The following ZNF556 variants were observed in gnomAD, a reference collection of about 807,000 sequenced individuals.
The protein encoded by ZNF556 is zinc finger protein 556.
In ZNF556, 11 loss-of-function variants were observed where a neutral mutation model predicts 13.6. The ratio of observed to expected loss-of-function variants is 0.81; its 90% CI spans 0.51 to 1.33. The LOEUF (loss-of-function observed/expected upper bound fraction) is 1.33. Ranked by LOEUF, ZNF556 falls within the 40% of genes most tolerant of loss-of-function variation. The probability of loss-of-function intolerance (pLI) is 0.00; values close to 1 mark genes in which losing one functional copy is unlikely to be tolerated. For synonymous variants in ZNF556, 229 were observed against 207.8 expected, an observed-to-expected ratio of 1.10 and a Z score of -0.88; for missense variants, 633 against 566.2, an observed-to-expected ratio of 1.12 and a Z score of -1.20.
chr19:2,876,853 A>C (rs2087856620), intron 3 of ZNF556, among the ~76,000 whole-genome samples: 1 of 152,232 alleles, frequency 6.6e-6, no homozygotes, highest in Non-Finnish European at 1.5e-5. Context: ...TAATTTCAAC[A>C]GTACAGGAAA....
At chr19:2,877,214 GA>G (rs796457422) in intron 3 of ZNF556, 58 bp from the exon 4 acceptor site, 35,429 of 965,392 alleles carry the variant, frequency 0.037, 8 homozygotes, top group South Asian at 0.047. Flanking sequence ...CCATCTCAAG[GA>G]AAAAAAAAAA....
At chr19:2,875,874 G>A (rs922803250) in intron 2 of ZNF556, among the ~76,000 whole-genome samples, 1 of 152,130 alleles carries the variant, frequency 6.6e-6, no homozygotes, top group Non-Finnish European at 1.5e-5. Flanking sequence ...TGAGACAGGA[G>A]AATCGCTTGA....
rs762092936 is a variant in ZNF556, at chr19:2,877,676, T to G, written c.718T>G (p.Phe240Val). 1.2e-6 allele frequency: 2 copies of G among 1,614,206 alleles called. No homozygotes were observed. Among genetic ancestry groups the G allele is most frequent in the Non-Finnish European group, 1.7e-6 (2 of 1,180,030 alleles). The stretch of plus-strand genomic sequence containing the variant: ...CGAATGTGGGCAGTGTGGGAAAGGC[T>G]TCAGTTGTCCCAAATCCTTTCGCGC... ...PYECGQCGKG[F>V]SCPKSFRAHV... The change falls in exon 4 of 4, where the codon TTC (phenylalanine) becomes GTC (valine). Residue 240 changes from phenylalanine to valine, a missense_variant. Transcript: ENST00000307635.
intron 2 of ZNF556, 100 bp downstream of exon 2, chr19:2,873,722 G>A: frequency 7.2e-7 from 1 of 1,390,740 alleles, no homozygotes; most frequent in Non-Finnish European, 9.8e-7. Flanking sequence ...AGGAGGCTAA[G>A]GCAGGAGGAT....
At position 2,877,499 on chromosome 19, in the gene ZNF556, G is replaced by C; in HGVS notation, c.541G>C (p.Gly181Arg). The C allele has an allele frequency of 6.2e-7, 1 of 1,614,206 alleles. No individual in the cohort carries two copies. Among genetic ancestry groups the C allele is most frequent in the South Asian group, 1.1e-5 (1 of 91,086 alleles). Residue 181 changes from glycine to arginine, a missense_variant, in exon 4 of 4, where the codon GGG becomes CGG. By Grantham distance (125) the Gly-to-Arg change is moderately radical. Coordinates refer to ENST00000307635, the MANE Select transcript of ZNF556 (RefSeq NM_024967.3). ...AAAATTATATAAATGTAAGGAATGT[G>C]GGAAAGCCTTCAGTCGCCCTTCCTA... ...GQKLYKCKEC[G>R]KAFSRPSYLQ...
At position 2,877,747 on chromosome 19, in the gene ZNF556, C is replaced by G. The variant is rs1568354857; in HGVS notation, c.789C>G (p.His263Gln). ...GAGGGAGACCGTATGAGTGCAAGCACTGTGGGAAAGCCTTCAGGTGTCAGA... is the reference window on the plus strand; with the variant it reads ...GAGGGAGACCGTATGAGTGCAAGCAGTGTGGGAAAGCCTTCAGGTGTCAGA... ...HAGGRPYECK[H>Q]CGKAFRCQKS... The change falls in exon 4 of 4, where the codon CAC becomes CAG. Residue 263 changes from histidine (H) to glutamine (Q), a missense_variant. Transcript: ENST00000307635. 5.6e-6 allele frequency: 9 copies of G among 1,611,276 alleles called. No homozygotes were observed. The highest frequency in any genetic ancestry group is 6.8e-6 in the Non-Finnish European group (8 of 1,179,066).
chr19:2,873,934 G>T (rs558308866), intron 2 of ZNF556, among the ~76,000 whole-genome samples: 1 of 151,968 alleles, frequency 6.6e-6, no homozygotes, highest in African/African-American at 2.4e-5. Flanking sequence ...TCCAGCCAGG[G>T]TGACAACTTG....
chr19:2,870,835 C>T (rs989520132), intron 1 of ZNF556, among the ~76,000 whole-genome samples: 12 of 151,072 alleles, frequency 7.9e-5, no homozygotes, highest in Non-Finnish European at 1.2e-4. Context: ...GTCAGGAGAT[C>T]GAGACTATCC....
intron 3 of ZNF556, among the ~76,000 whole-genome samples, chr19:2,876,769 C>T (rs2087856119): frequency 6.6e-6 from 1 of 152,182 alleles, no homozygotes; most frequent in East Asian, 1.9e-4. Context: ...GAGAGCCCCA[C>T]ATATTACTAT....
Position 2,873,548 on chromosome 19 carries a change from C to G in ZNF556, c.56C>G (p.Ala19Gly). ...GTGGATTTCACGCTGGAGGAGTGGG[C>G]CTTGCTGAATCCTGCTCAGAGAAAA... ...VVVDFTLEEW[A>G]LLNPAQRKLY... Residue 19 changes from alanine to glycine, a missense_variant, in exon 2 of 4, where the codon GCC becomes GGC. Physicochemically the swap from Ala to Gly is moderately conservative, Grantham distance 60. Coordinates refer to ENST00000307635, the MANE Select transcript of ZNF556 (RefSeq NM_024967.3). 1 of 1,614,120 alleles carries G rather than the reference C, an allele frequency of 6.2e-7. No individual in the cohort carries two copies. The highest frequency in any genetic ancestry group is 1.3e-5 in the African/African-American group (1 of 75,022).
At chr19:2,870,460 T>G (rs2087792847) in intron 1 of ZNF556, among the ~76,000 whole-genome samples, 1 of 149,444 alleles carries the variant, frequency 6.7e-6, no homozygotes. Context: ...TCTAAAAAAT[T>G]TTCTGGCCAG....
At position 2,878,064 on chromosome 19, in the gene ZNF556, T is replaced by C; in HGVS notation, c.1106T>C (p.Val369Ala). 1 of 1,614,038 alleles carries C rather than the reference T, an allele frequency of 6.2e-7. No individual in the cohort carries two copies. ...TDVKSQTREK[V>A]YKCETCGKTY... is the part of the protein sequence containing the mutation. ...GTCAAATCACAAACTAGAGAGAAAG[T>C]CTATAAATGTGAAACGTGTGGGAAA... Residue 369 changes from valine (V) to alanine (A), a missense_variant, in exon 4 of 4, where the codon GTC (valine) becomes GCC (alanine). Coordinates refer to ENST00000307635, the MANE Select transcript of ZNF556 (RefSeq NM_024967.3).
Position 2,877,959 on chromosome 19 carries a change from C to T in ZNF556, c.1001C>T (p.Ala334Val), listed in dbSNP as rs751556137. The T allele has an allele frequency of 6.8e-5, 110 of 1,613,968 alleles. 1 individual carries two copies. Among genetic ancestry groups the T allele is most frequent in the South Asian group, 4.7e-4 (43 of 91,088 alleles). The change falls in exon 4 of 4, where the codon GCG (alanine) becomes GTG (valine). Residue 334 changes from alanine (A) to valine (V), a missense_variant. Transcript: ENST00000307635. ...FGWPSSLHKH[A>V]RTHAKKKPVS... is the part of the protein sequence containing the mutation. ...TGGCCCTCATCCTTACACAAACACG[C>T]GAGAACGCATGCTAAAAAGAAACCT...
chr19:2,877,450 G>T lies in ZNF556; in HGVS notation c.492G>T (p.Arg164Ser). The T allele has an allele frequency of 1.2e-6, 2 of 1,614,114 alleles. No individual in the cohort carries two copies. The highest frequency in any genetic ancestry group is 1.7e-6 in the Non-Finnish European group (2 of 1,180,040). ...TCACCCATTCCTCATCCCTGATAAGGCACAAAAGAGCTCACTCTGGACAAA... is the reference window on the plus strand; with the variant it reads ...TCACCCATTCCTCATCCCTGATAAGTCACAAAAGAGCTCACTCTGGACAAA... ...KLFTHSSSLIRHKRAHSGQKL... is the reference protein window; with the variant it reads ...KLFTHSSSLISHKRAHSGQKL... Residue 164 changes from arginine to serine, a missense_variant, in exon 4 of 4, where the codon AGG becomes AGT. Coordinates refer to ENST00000307635, the MANE Select transcript of ZNF556 (RefSeq NM_024967.3).
At chr19:2,871,798 A>G (rs994603373) in intron 1 of ZNF556, among the ~76,000 whole-genome samples, 8 of 152,180 alleles carry the variant, frequency 5.3e-5, no homozygotes, top group Non-Finnish European at 1.2e-4. Flanking sequence ...CACAACCACC[A>G]AGTCGCAGAG....
In ZNF556 at chr19:2,877,500, G is replaced by A. The variant is rs1387041143; in HGVS notation, c.542G>A (p.Gly181Glu). The A allele has an allele frequency of 3.1e-6, 5 of 1,614,154 alleles. No individual in the cohort carries two copies. Among genetic ancestry groups the A allele is most frequent in the Middle Eastern group, 1.6e-4 (1 of 6,062 alleles). Reference protein sequence around the residue: ...GQKLYKCKECGKAFSRPSYLQ... With the variant: ...GQKLYKCKECEKAFSRPSYLQ... ...AAATTATATAAATGTAAGGAATGTG[G>A]GAAAGCCTTCAGTCGCCCTTCCTAC... Residue 181 changes from glycine to glutamate, a missense_variant, in exon 4 of 4, where the codon GGG becomes GAG. Physicochemically the swap from Gly to Glu is moderately conservative, Grantham distance 98. Transcript: ENST00000307635.
At chr19:2,867,738 A>AC (rs2087768922) in intron 1 of ZNF556, among the ~76,000 whole-genome samples, 2 of 142,468 alleles carry the variant, frequency 1.4e-5, no homozygotes, top group African/African-American at 2.5e-5. Context: ...AAAAAAAAAA[A>AC]CCTCACCCCA....
At chr19:2,870,462 T>C (rs996278037) in intron 1 of ZNF556, among the ~76,000 whole-genome samples, 3 of 144,846 alleles carry the variant, frequency 2.1e-5, no homozygotes, top group Non-Finnish European at 3.0e-5. Context: ...TAAAAAATTT[T>C]CTGGCCAGGC....
chr19:2,877,082 A>G (rs2087858273), intron 3 of ZNF556, among the ~76,000 whole-genome samples, 191 bp from the exon 4 acceptor site: 1 of 151,912 alleles, frequency 6.6e-6, no homozygotes, highest in Non-Finnish European at 1.5e-5. Context: ...GCGTGGTGCC[A>G]TGTGACTGTA....
Sources: gnomAD v4.1 joint callset for allele counts (sites outside exome capture counted in the v4.1 genomes callset) on GRCh38, gnomAD v4.1.1 for gene constraint, MANE v1.5 for transcripts, NCBI Gene and HGNC (gene_info 2026-07-23, HGNC 2026-07-21) for gene names.